Variants in MAVS observed in about 807,000 individuals in gnomAD.
MAVS encodes the protein mitochondrial antiviral signaling protein, also known as mitochondrial antiviral-signaling protein.
Under a neutral mutation model 30.2 loss-of-function variants are expected in MAVS, and 20 were observed. The ratio of observed to expected loss-of-function variants is 0.66; its 90% CI spans 0.47 to 0.96. MAVS has a LOEUF of 0.96. Ranked by LOEUF, MAVS falls within the 40% of genes least tolerant of loss-of-function variation. The probability of loss-of-function intolerance (pLI) is 0.00; values close to 1 mark genes in which losing one functional copy is unlikely to be tolerated. For missense variants in MAVS, 624 were observed against 701.1 expected (o/e 0.89, Z 1.24); for synonymous variants, 278 against 293.9 (o/e 0.95, Z 0.55).
At chr20:3,857,886 C>T in intron 3 of MAVS, 77 bp downstream of exon 3, 1 of 1,465,020 alleles carries the variant, frequency 6.8e-7, no homozygotes, top group Non-Finnish European at 9.5e-7. Flanking sequence ...TCTCCCTGTA[C>T]TTCCTGCCTT....
In MAVS at chr20:3,857,762, T is replaced by G; in HGVS notation, c.245T>G (p.Val82Gly). Residue 82 changes from valine (V) to glycine (G), a missense_variant, in exon 3 of 7, where the codon GTT (valine) becomes GGT (glycine). Physicochemically the swap from Val to Gly is moderately radical, Grantham distance 109. Transcript: ENST00000428216. ...GCGGCACTGAGGGGCTGTGAGCTAG[T>G]TGATCTCGCGGACGAAGTGGCCTCT... Reference protein sequence around the residue: ...FIAALRGCELVDLADEVASVY... With the variant: ...FIAALRGCELGDLADEVASVY... 3.1e-6 allele frequency: 5 copies of G among 1,614,238 alleles called. No individual in the cohort carries two copies. Among genetic ancestry groups the G allele is most frequent in the Non-Finnish European group, 4.2e-6 (5 of 1,180,038 alleles).
At position 3,846,882 on chromosome 20, in the gene MAVS, C is replaced by G. The variant is rs2089713621; in HGVS notation, c.-89C>G. 1 of 152,342 alleles carries G rather than the reference C, an allele frequency of 6.6e-6. No homozygotes were observed. The highest frequency in any genetic ancestry group is 1.5e-5 in the Non-Finnish European group (1 of 68,256). The allele number at this position is 152,342 out of a possible 1,614,324, so 9.4% of individuals were successfully genotyped here. A position where few individuals can be genotyped will look rare whatever the true frequency, so the allele number is the denominator to read the frequency against. ...GGGCCCCGGGCGGCGGTCGCCAGGT[C>G]TCAGGGCCGGGGGTACCCGAGGTAA... On this transcript the variant is annotated 5_prime_UTR_variant, in exon 1 of 7. Transcript: ENST00000428216.
rs1036446547 is a variant in MAVS at position 3,870,248 on chromosome 20, G to A, written c.*4101G>A. 1.3e-5 allele frequency: 2 copies of A among 152,388 alleles called. No individual in the cohort carries two copies. Among genetic ancestry groups the A allele is most frequent in the African/African-American group, 2.4e-5 (1 of 41,436 alleles). The allele number at this position is 152,388 out of a possible 1,614,324, so 9.4% of individuals were successfully genotyped here. A position where few individuals can be genotyped will look rare whatever the true frequency, so the allele number is the denominator to read the frequency against. ...TACTTCACCTTGGGGTGAAGGCTGG[G>A]TGGGGCCAGAGGGACCAGTGCCCTC... On this transcript the variant is annotated 3_prime_UTR_variant, in exon 7 of 7. Transcript: ENST00000428216.
intron 2 of MAVS, 132 bp downstream of exon 2, chr20:3,854,873 C>T: frequency 1.9e-6 from 1 of 522,716 alleles, no homozygotes; most frequent in Non-Finnish European, 3.3e-6. Flanking sequence ...TGTCTTGCTC[C>T]TTGTCCTTGC....
At chr20:3,860,672 GCTT>G (rs1445064866) in intron 3 of MAVS, among the ~76,000 whole-genome samples, 1 of 150,372 alleles carries the variant, frequency 6.7e-6, no homozygotes. Context: ...ACCACGTCTG[GCTT>G]CTTTTTCTTT....
intron 1 of MAVS, among the ~76,000 whole-genome samples, chr20:3,849,472 T>C (rs950252267): frequency 2.0e-5 from 3 of 152,230 alleles, no homozygotes; most frequent in African/African-American, 7.2e-5. Context: ...CCCAAAGTGC[T>C]GGGATTATAG....
At chr20:3,863,949 G>A (rs1015900195) in intron 5 of MAVS, among the ~76,000 whole-genome samples, 9 of 152,148 alleles carry the variant, frequency 5.9e-5, no homozygotes, top group Non-Finnish European at 1.2e-4. Flanking sequence ...ACAGGAGAGG[G>A]GAGGTTTCCC....
chr20:3,861,094 G>A (rs977479583), intron 3 of MAVS, among the ~76,000 whole-genome samples: 15 of 151,742 alleles, frequency 9.9e-5, no homozygotes, highest in Non-Finnish European at 2.2e-4. Context: ...CCGGGTTCAC[G>A]CCATTCTCCT....
rs2089957618 is a variant in MAVS, at chr20:3,871,776, TG to T, written c.*5630del. The T allele has an allele frequency of 6.6e-6, 1 of 152,350 alleles. No individual in the cohort carries two copies. Among genetic ancestry groups the T allele is most frequent in the Non-Finnish European group, 1.5e-5 (1 of 68,062 alleles). 9.4% of individuals were successfully genotyped at this position (152,350 alleles called of 1,614,324 possible). On this transcript the variant is annotated 3_prime_UTR_variant, in exon 7 of 7. Transcript: ENST00000428216. ...AGGCCTTCCCCTGTGTTCACCTTTCTGCTCTTTTTCTTTTAGCCCAAGGCTA... is the reference window on the plus strand; with the variant it reads ...AGGCCTTCCCCTGTGTTCACCTTTCTCTCTTTTTCTTTTAGCCCAAGGCTA...
intron 2 of MAVS, 150 bp downstream of exon 2, chr20:3,854,891 C>CTTTT (rs61256246): frequency 0.013 from 3,806 of 303,094 alleles, 4 homozygotes; most frequent in East Asian, 0.037. Context: ...TGCTGCTTTT[C>CTTTT]TTTTTTTTTT....
At chr20:3,849,220 T>C (rs1230404803) in intron 1 of MAVS, among the ~76,000 whole-genome samples, 2 of 151,690 alleles carry the variant, frequency 1.3e-5, no homozygotes, top group African/African-American at 2.4e-5. Context: ...TTTTTTTTTT[T>C]TTTCCTATGA....
intron 6 of MAVS, 73 bp downstream of exon 6, chr20:3,864,861 T>TTGGCCC: frequency 6.5e-7 from 1 of 1,549,800 alleles, no homozygotes; most frequent in Non-Finnish European, 8.7e-7. Context: ...GGCCCTGGCC[T>TTGGCCC]TGGCCCCTTC....
At position 3,866,600 on chromosome 20, in the gene MAVS, C is replaced by T. The variant is rs1186079994; in HGVS notation, c.*453C>T. ...GTGGGCGACTCCACAAGACCTGCCTCCCATCCTGGCAGCCCAGCCTGAGAC... is the reference window on the plus strand; with the variant it reads ...GTGGGCGACTCCACAAGACCTGCCTTCCATCCTGGCAGCCCAGCCTGAGAC... On this transcript the variant is annotated 3_prime_UTR_variant, in exon 7 of 7. Coordinates refer to ENST00000428216, the MANE Select transcript of MAVS (RefSeq NM_020746.5). 6 of 352,798 alleles carry T rather than the reference C, an allele frequency of 1.7e-5. No homozygotes were observed. Among genetic ancestry groups the T allele is most frequent in the Non-Finnish European group, 2.8e-5 (5 of 179,624 alleles). The allele number at this position is 352,798 out of a possible 1,614,324, so 21.9% of individuals were successfully genotyped here. A position where few individuals can be genotyped will look rare whatever the true frequency, so the allele number is the denominator to read the frequency against.
rs528093798 is a variant in MAVS at position 3,859,388 on chromosome 20, A to C, written c.292+1579A>C. 1.1e-3 allele frequency among the ~76,000 whole-genome samples: 170 copies of C among 152,036 alleles called. 1 individual carries two copies. Among genetic ancestry groups the C allele is most frequent in the Non-Finnish European group, 1.0e-3 (68 of 67,960 alleles). ...CTGCGCATGGTGGTGCAAGCCTGTA[A>C]TCCCAGCTACTTGGGAGGCTGAGGC... On this transcript the variant is annotated intron_variant, in intron 3 of 6. Coordinates refer to ENST00000428216, the MANE Select transcript of MAVS (RefSeq NM_020746.5).
At position 3,864,411 on chromosome 20, in the gene MAVS, T is replaced by C; in HGVS notation, c.781T>C (p.Leu261=). The stretch of plus-strand genomic sequence containing the variant: ...CTCCTTCTCCTCCTCATCCCCTGGC[T>C]TGGCCTCTGCAGGGGCTGCAGAGGG... The part of the protein sequence containing the change: ...GTSFSSSSPG[L]ASAGAAEGKQ... The change falls in exon 6 of 7, where the codon TTG becomes CTG. Residue 261 remains leucine, a synonymous_variant. Coordinates refer to ENST00000428216, the MANE Select transcript of MAVS (RefSeq NM_020746.5). 6.2e-7 allele frequency: 1 copy of C among 1,614,030 alleles called. No homozygotes were observed. Among genetic ancestry groups the C allele is most frequent in the East Asian group, 2.2e-5 (1 of 44,876 alleles).
chr20:3,851,330 A>AAAC (rs1248931337), intron 1 of MAVS, among the ~76,000 whole-genome samples: 12 of 151,078 alleles, frequency 7.9e-5, no homozygotes, highest in Non-Finnish European at 1.5e-4. Context: ...TCTTTCTCAA[A>AAAC]AACAACAACA....
At chr20:3,864,914 C>T in intron 6 of MAVS, 126 bp downstream of exon 6, 1 of 1,170,456 alleles carries the variant, frequency 8.5e-7, no homozygotes. Flanking sequence ...TCTGTGGCCT[C>T]TCCTTGAGGG....
Position 3,857,734 on chromosome 20 carries a change from A to G in MAVS, c.217A>G (p.Ile73Val). The G allele has an allele frequency of 6.2e-7, 1 of 1,614,098 alleles. No individual in the cohort carries two copies. The highest frequency in any genetic ancestry group is 8.5e-7 in the Non-Finnish European group (1 of 1,180,004). The change falls in exon 3 of 7, where the codon ATT (isoleucine) becomes GTT (valine). Residue 73 changes from isoleucine (I) to valine (V), a missense_variant. Transcript: ENST00000428216. The part of the protein sequence containing the change: ...QRRPGWVEYF[I>V]AALRGCELVD... ...GCGGCCCGGCTGGGTGGAGTACTTC[A>G]TTGCGGCACTGAGGGGCTGTGAGCT...
At chr20:3,861,588 C>T in intron 4 of MAVS, 84 bp downstream of exon 4, 2 of 1,400,942 alleles carry the variant, frequency 1.4e-6, no homozygotes, top group Non-Finnish European at 2.0e-6. Context: ...CAGAAACCCT[C>T]TCCCGTCCCC....
Sources: gnomAD v4.1 joint callset for allele counts (sites outside exome capture counted in the v4.1 genomes callset) on GRCh38, gnomAD v4.1.1 for gene constraint, MANE v1.5 for transcripts, NCBI Gene and HGNC (gene_info 2026-07-23, HGNC 2026-07-21) for gene names.